The following TNRC6C variants were observed in gnomAD, a reference collection of about 807,000 sequenced individuals.
TNRC6C encodes the protein trinucleotide repeat containing adaptor 6C, also known as trinucleotide repeat-containing gene 6C protein.
In TNRC6C, 20 loss-of-function variants were observed where a neutral mutation model predicts 153.7. That is an observed-to-expected ratio of 0.13 (90% confidence interval 0.09 to 0.19). The LOEUF is 0.19. Among genes scored for constraint, TNRC6C ranks in the 10% least tolerant of loss-of-function variants. The pLI, the probability that TNRC6C is intolerant of heterozygous loss-of-function variation, is 1.00. For missense variants in TNRC6C, 1,987 were observed against 2,172.0 expected, an observed-to-expected ratio of 0.91 and a Z score of 1.69; for synonymous variants, 811 against 841.4, an observed-to-expected ratio of 0.96 and a Z score of 0.63.
chr17:78,064,583 C>A, intron 3 of TNRC6C, 139 bp from the exon 6 acceptor site: 2 of 771,454 alleles, frequency 2.6e-6, no homozygotes, highest in South Asian at 1.6e-5. Flanking sequence ...AATACATTTG[C>A]CTCCTTTAAA....
In TNRC6C at chr17:78,049,157, C is replaced by A; in HGVS notation, c.95C>A (p.Ser32Tyr). ...AATGGCGCACTCGTCCAAAGCCCTT[C>A]TAATCAGAGTGCCCTTGGAGCAGGG... Residue 32 changes from serine to tyrosine, a missense_variant, in exon 3 of 20, where the codon TCT (serine) becomes TAT (tyrosine). Transcript: ENST00000301624. The surrounding 1 kb of genome is among the most constrained non-coding windows in gnomAD (Gnocchi z 4.1). 6.2e-7 allele frequency: 1 copy of A among 1,612,258 alleles called. No individual in the cohort carries two copies. The highest frequency in any genetic ancestry group is 8.5e-7 in the Non-Finnish European group (1 of 1,179,058).
chr17:77,995,055 T>C (rs906409918), intron 1 of TNRC6C, among the ~76,000 whole-genome samples: 5 of 152,268 alleles, frequency 3.3e-5, no homozygotes, highest in African/African-American at 1.2e-4. Flanking sequence ...CTGTCAAGAA[T>C]TGTTAACTGT....
At chr17:78,021,922 G>C (rs1026114468) in intron 1 of TNRC6C, among the ~76,000 whole-genome samples, 2 of 152,064 alleles carry the variant, frequency 1.3e-5, no homozygotes, top group African/African-American at 4.8e-5. Flanking sequence ...ATAAGACTTT[G>C]GGATATATTA....
intron 11 of TNRC6C, among the ~76,000 whole-genome samples, chr17:78,085,934 A>G (rs1277080721): frequency 6.6e-6 from 1 of 151,984 alleles, no homozygotes; most frequent in African/African-American, 2.4e-5. Context: ...CAACATCATC[A>G]CCAACACTAA....
chr17:78,018,195 C>T (rs1239549680), intron 1 of TNRC6C, among the ~76,000 whole-genome samples: 2 of 152,100 alleles, frequency 1.3e-5, no homozygotes, highest in Admixed American at 6.5e-5. Flanking sequence ...GGCGCAGTCT[C>T]GGCTCACTGC....
chr17:77,996,208 A>C (rs1180237049), intron 1 of TNRC6C, among the ~76,000 whole-genome samples: 3 of 152,230 alleles, frequency 2.0e-5, no homozygotes, highest in African/African-American at 4.8e-5. Context: ...TGCTGCAGCC[A>C]GTCAGTGCTT....
intron 4 of TNRC6C, among the ~76,000 whole-genome samples, chr17:78,065,358 G>GAA (rs1228780510): frequency 7.2e-6 from 1 of 139,754 alleles, no homozygotes; most frequent in African/African-American, 2.6e-5. Flanking sequence ...CTTTAAAAAG[G>GAA]AAAAAAAAAA....
chr17:78,087,734 T>G (rs1407001067), intron 13 of TNRC6C, among the ~76,000 whole-genome samples: 1 of 152,208 alleles, frequency 6.6e-6, no homozygotes, highest in African/African-American at 2.4e-5. Flanking sequence ...TTGTATGAAA[T>G]GTGATTTGTA....
chr17:78,020,856 A>G (rs1188938970), intron 1 of TNRC6C, among the ~76,000 whole-genome samples: 1 of 152,262 alleles, frequency 6.6e-6, no homozygotes, highest in Admixed American at 6.5e-5. Context: ...ACACTTGGCC[A>G]GTGGCTGCTG....
At position 78,075,700 on chromosome 17, in the gene TNRC6C, A is replaced by T. The variant is rs2073072279; in HGVS notation, c.3060+422A>T. ...CACCCATCTCTGGCTGGCCCTTGTC[A>T]GTTGGCCACATGAGTGACCACAGCT... is the stretch of plus-strand genomic sequence containing the variant. On this transcript the variant is annotated intron_variant, in intron 8 of 19. Coordinates refer to ENST00000301624, the Ensembl canonical transcript of TNRC6C. This position sits in a 1 kb window ranked among gnomAD's most constrained non-coding sequence, Gnocchi z 4.2. 6.6e-6 allele frequency among the ~76,000 whole-genome samples: 1 copy of T among 152,200 alleles called. No homozygotes were observed. The highest frequency in any genetic ancestry group is 1.5e-5 in the Non-Finnish European group (1 of 68,028).
intron 1 of TNRC6C, among the ~76,000 whole-genome samples, chr17:78,028,496 G>A (rs2071990734): frequency 6.6e-6 from 1 of 151,920 alleles, no homozygotes; most frequent in Non-Finnish European, 1.5e-5. Flanking sequence ...AGGGAGAGTA[G>A]ACAGTGGGTT....
At chr17:78,073,070 A>C in exon 7 of TNRC6C, 1 of 1,557,288 alleles carries the variant, frequency 6.4e-7, no homozygotes, top group Non-Finnish European at 8.7e-7. Flanking sequence ...GAAGAGTAAC[A>C]ATATGAATCT....
intron 1 of TNRC6C, among the ~76,000 whole-genome samples, chr17:78,012,710 T>C (rs769988543): frequency 2.6e-5 from 4 of 152,106 alleles, no homozygotes; most frequent in Admixed American, 6.5e-5. Context: ...GAAGTCAGGC[T>C]CTAAGGAAAG....
intron 1 of TNRC6C, among the ~76,000 whole-genome samples, chr17:78,015,773 G>A (rs555595731): frequency 4.0e-4 from 61 of 152,264 alleles, no homozygotes; most frequent in African/African-American, 1.4e-3. Flanking sequence ...TTAGCTGGGC[G>A]TGGTGGTGGG....
At chr17:78,041,049 T>C (rs1357671242) in intron 2 of TNRC6C, 1 of 152,214 alleles carries the variant, frequency 6.6e-6, no homozygotes, top group Admixed American at 6.5e-5. Context: ...CGAGCCTCGA[T>C]GCAGGCGTAG....
chr17:77,990,581 A>ATCT (rs10682369), intron 1 of TNRC6C, among the ~76,000 whole-genome samples: 12,146 of 152,088 alleles, frequency 0.08, 1,253 homozygotes, highest in African/African-American at 0.25. Context: ...TTCGCAGGAA[A>ATCT]TCTGTGACCT....
At chr17:78,016,411 T>C (rs1344110754) in intron 1 of TNRC6C, among the ~76,000 whole-genome samples, 1 of 152,256 alleles carries the variant, frequency 6.6e-6, no homozygotes, top group African/African-American at 2.4e-5. Context: ...ATAAGCTGTG[T>C]GCCAGGCTTG....
intron 2 of TNRC6C, among the ~76,000 whole-genome samples, chr17:78,040,483 TAAG>T (rs1415498455): frequency 2.6e-5 from 4 of 152,186 alleles, no homozygotes; most frequent in Non-Finnish European, 5.9e-5. Context: ...GGAAAGTAAT[TAAG>T]AAGCTGGACA....
rs1378977389 is a variant in TNRC6C, at chr17:77,992,959, C to A, written c.-37-11211C>A. Reference sequence around the variant, plus strand: ...AGTCTTGGAGGAGGTAAACTCTACACTTATTTTATTTTTATTTTTTTTTTG... The same window carrying A: ...AGTCTTGGAGGAGGTAAACTCTACAATTATTTTATTTTTATTTTTTTTTTG... On this transcript the variant is annotated intron_variant, in intron 1 of 22. Coordinates refer to the TNRC6C transcript ENST00000636222. Among the ~76,000 whole-genome samples the A allele has an allele frequency of 2.6e-5, 4 of 152,082 alleles. No homozygotes were observed. In the East Asian group the frequency reaches 7.7e-4, roughly 29 times the overall value.
Sources: allele counts gnomAD v4.1 joint callset (sites outside exome capture counted in the v4.1 genomes callset), GRCh38; gene constraint gnomAD v4.1.1; non-coding constraint Gnocchi (gnomAD v3.1); transcripts MANE v1.5; gene names NCBI Gene and HGNC (gene_info 2026-07-23, HGNC 2026-07-21).